The following KCNH7 variants were observed in gnomAD, a reference collection of about 807,000 sequenced individuals.
KCNH7 encodes the protein voltage-gated inwardly rectifying potassium channel KCNH7.
KCNH7 carries 49 observed loss-of-function variants against 120.8 expected under a neutral mutation model. That is an observed-to-expected ratio of 0.41 (90% CI 0.32 to 0.51). The LOEUF is 0.51. KCNH7 is among the 20% of genes least tolerant of loss of function. The probability of loss-of-function intolerance (pLI) is 0.38; values close to 1 mark genes in which losing one functional copy is unlikely to be tolerated. For missense variants in KCNH7, 1,097 were observed against 1,446.6 expected, an observed-to-expected ratio of 0.76 and a Z score of 3.92; for synonymous variants, 547 against 516.1, an observed-to-expected ratio of 1.06 and a Z score of -0.81.
chr2:162,662,628 A>G (rs1309994424), intron 2 of KCNH7, among the ~76,000 whole-genome samples: 1 of 152,160 alleles, frequency 6.6e-6, no homozygotes, highest in Non-Finnish European at 1.5e-5. Context: ...AACATATAAA[A>G]GCTCTCTCTT....
At chr2:162,778,183 AT>A (rs1683326739) in intron 2 of KCNH7, among the ~76,000 whole-genome samples, 1 of 152,118 alleles carries the variant, frequency 6.6e-6, no homozygotes, top group African/African-American at 2.4e-5. Context: ...AAGTCAATTT[AT>A]TTTCTAGAAC....
intron 13 of KCNH7, among the ~76,000 whole-genome samples, chr2:162,381,222 TA>T (rs763478388): frequency 7.2e-5 from 11 of 151,866 alleles, no homozygotes; most frequent in South Asian, 2.1e-4. Context: ...TAGAAAGACT[TA>T]AAAAAAACTT....
intron 2 of KCNH7, among the ~76,000 whole-genome samples, chr2:162,775,768 T>C (rs1164074982): frequency 6.6e-6 from 1 of 152,194 alleles, no homozygotes; most frequent in Non-Finnish European, 1.5e-5. Flanking sequence ...AATGCTAAAA[T>C]ATCCATAGTG....
chr2:162,455,852 G>A lies in KCNH7; in HGVS notation c.1129-9409C>T, dbSNP rs575408176. 3.0e-4 allele frequency among the ~76,000 whole-genome samples: 45 copies of A among 151,948 alleles called. No homozygotes were observed. The South Asian group carries it at 9.4e-3, about 32-fold the overall frequency. ...TTTCTTCTTTATTAGTCTAGCTAGT[G>A]GTCTATCTATTTTGTTAATCCTTTC... On this transcript the variant is annotated intron_variant, in intron 6 of 15. Coordinates refer to ENST00000332142, the MANE Select transcript of KCNH7 (RefSeq NM_033272.4).
Position 162,533,733 on chromosome 2 carries a change from G to T in KCNH7, c.463+3192C>A, listed in dbSNP as rs542914782. Among the ~76,000 whole-genome samples, 472 of 151,764 alleles carry T rather than the reference G, an allele frequency of 3.1e-3. 5 individuals are homozygous for T. The highest frequency in any genetic ancestry group is 0.011 in the African/African-American group (454 of 41,516). On this transcript the variant is annotated intron_variant, in intron 3 of 15. Transcript: ENST00000332142. The stretch of plus-strand genomic sequence containing the variant: ...ACCAAGAAATATTCTAACAGTAGAA[G>T]ACTTTAATACACTTTCTTAAATCCA...
chr2:162,510,880 G>A (rs149435635), intron 5 of KCNH7, among the ~76,000 whole-genome samples: 24 of 151,782 alleles, frequency 1.6e-4, no homozygotes, highest in African/African-American at 5.3e-4. Flanking sequence ...CTTGAAAAAC[G>A]TAATGAAGAC....
At chr2:162,830,210 C>T (rs1319907845) in intron 2 of KCNH7, among the ~76,000 whole-genome samples, 1 of 151,980 alleles carries the variant, frequency 6.6e-6, no homozygotes, top group African/African-American at 2.4e-5. Context: ...AAGGGCAATC[C>T]ATTTAGAAAG....
chr2:162,597,382 T>A (rs978997313), intron 2 of KCNH7, among the ~76,000 whole-genome samples: 2 of 152,058 alleles, frequency 1.3e-5, no homozygotes, highest in African/African-American at 4.8e-5. Flanking sequence ...ATTCTGTCAT[T>A]TGTGACAACA....
chr2:162,548,294 C>T (rs1692548443), intron 2 of KCNH7, among the ~76,000 whole-genome samples: 1 of 152,142 alleles, frequency 6.6e-6, no homozygotes, highest in Non-Finnish European at 1.5e-5. Context: ...TTCCCTGCTC[C>T]CTAAGGCTGC....
At chr2:162,698,434 T>C (rs1438809021) in intron 2 of KCNH7, among the ~76,000 whole-genome samples, 1 of 101,236 alleles carries the variant, frequency 9.9e-6, no homozygotes, top group Admixed American at 8.5e-5. Context: ...GCCGTCTTTA[T>C]TTTTTTTTTT....
intron 9 of KCNH7, among the ~76,000 whole-genome samples, chr2:162,415,258 A>T (rs953272822): frequency 3.3e-5 from 5 of 152,088 alleles, no homozygotes; most frequent in Middle Eastern, 3.4e-3. Flanking sequence ...CAAGTCCTCA[A>T]CCTTGGTCTA....
chr2:162,597,679 C>T (rs1369268107), intron 2 of KCNH7, among the ~76,000 whole-genome samples: 4 of 151,844 alleles, frequency 2.6e-5, no homozygotes, highest in African/African-American at 9.7e-5. Flanking sequence ...TTCAAAGTTG[C>T]TAAAAGAATG....
chr2:162,377,653 CTT>C (rs1321287619), intron 14 of KCNH7, among the ~76,000 whole-genome samples: 20 of 152,098 alleles, frequency 1.3e-4, no homozygotes, highest in Admixed American at 1.3e-3. Flanking sequence ...CTTATAGAGT[CTT>C]TGTGATAGTT....
At chr2:162,712,774 C>G (rs190307526) in intron 2 of KCNH7, among the ~76,000 whole-genome samples, 1 of 152,244 alleles carries the variant, frequency 6.6e-6, no homozygotes, top group Admixed American at 6.5e-5. Context: ...AGCATAGAAG[C>G]CAATTTCAGC....
At position 162,586,497 on chromosome 2, in the gene KCNH7, G is replaced by A. The variant is rs2105925447; in HGVS notation, c.308-49417C>T. Among the ~76,000 whole-genome samples the A allele has an allele frequency of 2.0e-5, 3 of 152,152 alleles. No homozygotes were observed. In the Middle Eastern group the frequency reaches 0.01, roughly 518 times the overall value. ...AAATCTGATGACTGCAACCCTGGGAGTGATGCCAGGTGAGTCCAGCCAGGG... is the reference window on the plus strand; with the variant it reads ...AAATCTGATGACTGCAACCCTGGGAATGATGCCAGGTGAGTCCAGCCAGGG... On this transcript the variant is annotated intron_variant, in intron 2 of 15. Coordinates refer to ENST00000332142, the MANE Select transcript of KCNH7 (RefSeq NM_033272.4).
intron 2 of KCNH7, among the ~76,000 whole-genome samples, chr2:162,576,523 C>A (rs889689773): frequency 3.3e-5 from 5 of 151,402 alleles, no homozygotes; most frequent in Middle Eastern, 3.4e-3. Flanking sequence ...GAAATTAGTA[C>A]TCCTTCCTTT....
intron 2 of KCNH7, among the ~76,000 whole-genome samples, chr2:162,651,620 C>G (rs1430844498): frequency 6.6e-6 from 1 of 151,996 alleles, no homozygotes; most frequent in Non-Finnish European, 1.5e-5. Context: ...GAATTTGTGT[C>G]GATTCCATGT....
chr2:162,437,583 C>T (rs1170256787), intron 7 of KCNH7, among the ~76,000 whole-genome samples: 2 of 151,928 alleles, frequency 1.3e-5, no homozygotes, highest in African/African-American at 2.4e-5. Flanking sequence ...ATAGAATGTC[C>T]CCTTGGATAA....
At chr2:162,475,148 A>G (rs1306260491) in intron 6 of KCNH7, among the ~76,000 whole-genome samples, 3 of 152,194 alleles carry the variant, frequency 2.0e-5, no homozygotes, top group Admixed American at 2.0e-4. Flanking sequence ...CTCTTACTTT[A>G]TTATTATATA....
Sources: allele counts gnomAD v4.1 joint callset (sites outside exome capture counted in the v4.1 genomes callset), GRCh38; gene constraint gnomAD v4.1.1; transcripts MANE v1.5; gene names NCBI Gene and HGNC (gene_info 2026-07-23, HGNC 2026-07-21).